Variants in PROM1 observed in about 807,000 individuals in gnomAD.
PROM1 encodes prominin-1.
PROM1 carries 105 observed loss-of-function variants against 116.9 expected under a neutral mutation model. The observed-to-expected ratio is 0.90, with a 90% CI of 0.77 to 1.06. PROM1 has a LOEUF of 1.06. Among genes scored for constraint, PROM1 ranks in the 50% least tolerant of loss-of-function variants. The probability of loss-of-function intolerance (pLI) is 0.00; values close to 1 mark genes in which losing one functional copy is unlikely to be tolerated. For synonymous variants in PROM1, 393 were observed against 387.0 expected (o/e 1.02, Z -0.18); for missense variants, 1,122 against 1,045.2 (o/e 1.07, Z -1.01).
intron 1 of PROM1, among the ~76,000 whole-genome samples, chr4:16,077,269 G>A (rs906268047): frequency 6.6e-6 from 1 of 152,236 alleles, no homozygotes; most frequent in Admixed American, 6.5e-5. Context: ...GGACATGCGG[G>A]CAACAATGCT....
intron 2 of PROM1, among the ~76,000 whole-genome samples, chr4:16,050,709 G>C (rs1333361925): frequency 1.3e-5 from 2 of 152,164 alleles, no homozygotes; most frequent in Non-Finnish European, 2.9e-5. Flanking sequence ...AACCAAACTA[G>C]TACCTATTCA....
chr4:15,998,339 AAAAG>A, intron 15 of PROM1, 42 bp downstream of exon 15: 1 of 1,497,196 alleles, frequency 6.7e-7, no homozygotes, highest in South Asian at 1.4e-5. Flanking sequence ...TCATTCCAGA[AAAAG>A]AACATCTTAA....
At chr4:16,066,053 G>A (rs1471684106) in intron 2 of PROM1, among the ~76,000 whole-genome samples, 2 of 152,110 alleles carry the variant, frequency 1.3e-5, no homozygotes, top group African/African-American at 2.4e-5. Flanking sequence ...AGCTAGAAGA[G>A]GCAAGGAAGA....
In PROM1 at chr4:15,969,078, G is replaced by T. The variant is rs899739467; in HGVS notation, c.*315C>A. The T allele has an allele frequency of 1.3e-5, 2 of 152,096 alleles. No individual in the cohort carries two copies. The highest frequency in any genetic ancestry group is 4.8e-5 in the African/African-American group (2 of 41,400). 9.4% of individuals were successfully genotyped at this position (152,096 alleles called of 1,614,324 possible). A position where few individuals can be genotyped will look rare whatever the true frequency, so the allele number is the denominator to read the frequency against. ...GAGTTTTGATAGAAATGCATCCAAT[G>T]GGAACAAACACCCCATATGTTGTAG... is the stretch of plus-strand genomic sequence containing the variant. On this transcript the variant is annotated 3_prime_UTR_variant, in exon 28 of 28. Coordinates refer to ENST00000447510, the MANE Select transcript of PROM1 (RefSeq NM_006017.3).
At chr4:16,019,745 CAG>C (rs1729338839) in intron 8 of PROM1, among the ~76,000 whole-genome samples, 1 of 152,110 alleles carries the variant, frequency 6.6e-6, no homozygotes, top group Admixed American at 6.5e-5. Context: ...CTGTGGTTCA[CAG>C]AACAGATGGT....
At chr4:16,035,137 T>C (rs935757732) in intron 4 of PROM1, among the ~76,000 whole-genome samples, 1 of 152,202 alleles carries the variant, frequency 6.6e-6, no homozygotes, top group African/African-American at 2.4e-5. Flanking sequence ...CCATCCCATG[T>C]CCACGAAGAG....
At position 15,986,120 on chromosome 4, in the gene PROM1, T is replaced by A. The variant is rs892136877; in HGVS notation, c.2131-83A>T. On this transcript the variant is annotated intron_variant, in intron 20 of 27. Coordinates refer to ENST00000447510, the MANE Select transcript of PROM1 (RefSeq NM_006017.3). The stretch of plus-strand genomic sequence containing the variant: ...AATTTGCATATTGATTCAAGTACTG[T>A]AACTCAGCTCTGCAACACCACGACC... The A allele has an allele frequency of 9.9e-6, 10 of 1,013,004 alleles. 1 individual carries two copies. Among genetic ancestry groups the A allele is most frequent in the Non-Finnish European group, 1.3e-5 (9 of 674,004 alleles). The allele number at this position is 1,013,004 out of a possible 1,614,324, so 62.8% of individuals were successfully genotyped here.
chr4:15,994,490 T>C (rs1038203822), intron 15 of PROM1, among the ~76,000 whole-genome samples: 4 of 152,206 alleles, frequency 2.6e-5, no homozygotes, highest in African/African-American at 9.6e-5. Flanking sequence ...ATTTCTCCTC[T>C]GTATTTCCAG....
chr4:15,993,750 G>T (rs1721632386), intron 16 of PROM1, among the ~76,000 whole-genome samples: 1 of 152,188 alleles, frequency 6.6e-6, no homozygotes, highest in Non-Finnish European at 1.5e-5. Flanking sequence ...AGAGGCTCTT[G>T]CATAATCCAC....
In PROM1 at chr4:16,075,892, G is replaced by A. The variant is rs10033189; in HGVS notation, c.15C>T (p.Leu5=). The A allele has an allele frequency of 0.027, 43,643 of 1,611,088 alleles. 1,272 individuals carry two copies. The highest frequency in any genetic ancestry group is 0.15 in the African/African-American group (11,071 of 74,916). The change falls in exon 2 of 28, where the codon CTC becomes CTT. Residue 5 remains leucine (L), a synonymous_variant. Coordinates refer to ENST00000447510, the MANE Select transcript of PROM1 (RefSeq NM_006017.3). ...ACAGCCCCAGCAGCAACAGGGAGCC[G>A]AGTACGAGGGCCATAGCTAGCAAGA... MALV[L]GSLLLLGLCG...
intron 13 of PROM1, among the ~76,000 whole-genome samples, chr4:16,003,882 C>T (rs977760911): frequency 8.5e-5 from 13 of 152,208 alleles, no homozygotes; most frequent in Non-Finnish European, 1.8e-4. Flanking sequence ...CCAGATCTTT[C>T]ACTGGTATCC....
chr4:16,037,271 A>G lies in PROM1; in HGVS notation c.277-1510T>C, dbSNP rs192716413. The stretch of plus-strand genomic sequence containing the variant: ...CTGTCATTTTCTTCCCCCCAGAGAT[A>G]CAGGCCGACGTGACAATCACATTGG... On this transcript the variant is annotated intron_variant, in intron 3 of 27. Transcript: ENST00000447510. 5.3e-4 allele frequency among the ~76,000 whole-genome samples: 80 copies of G among 152,304 alleles called. 2 individuals are homozygous for G. The highest frequency in any genetic ancestry group is 1.8e-3 in the African/African-American group (76 of 41,562).
chr4:15,986,421 T>C (rs1413251681), intron 20 of PROM1, among the ~76,000 whole-genome samples: 1 of 152,056 alleles, frequency 6.6e-6, no homozygotes, highest in African/African-American at 2.4e-5. Flanking sequence ...TTTTTTTTTT[T>C]CACTACAAAA....
intron 13 of PROM1, among the ~76,000 whole-genome samples, chr4:16,004,382 T>C (rs1034202886): frequency 6.6e-6 from 1 of 152,230 alleles, no homozygotes; most frequent in Non-Finnish European, 1.5e-5. Context: ...CATCAATTTG[T>C]TGATGATTTC....
At chr4:15,979,366 C>A (rs142467914) in intron 26 of PROM1, 29 bp downstream of exon 26, 14 of 1,613,262 alleles carry the variant, frequency 8.7e-6, no homozygotes, top group Admixed American at 1.7e-5. Context: ...TATCATAGGG[C>A]GGGCATGCAC....
intron 5 of PROM1, among the ~76,000 whole-genome samples, chr4:16,026,309 G>C (rs923445360): frequency 6.6e-6 from 1 of 151,956 alleles, no homozygotes; most frequent in Non-Finnish European, 1.5e-5. Flanking sequence ...GGCAAAAAAC[G>C]TTCCATTAGA....
chr4:16,009,187 GC>G (rs1726264925), intron 11 of PROM1, 79 bp from the exon 12 acceptor site: 1 of 1,261,480 alleles, frequency 7.9e-7, no homozygotes, highest in Non-Finnish European at 1.1e-6. Flanking sequence ...AAACAGAAAA[GC>G]CTGAACCACC....
intron 2 of PROM1, among the ~76,000 whole-genome samples, chr4:16,073,987 G>A (rs1193029563): frequency 6.6e-6 from 1 of 152,180 alleles, no homozygotes; most frequent in Non-Finnish European, 1.5e-5. Context: ...ATATGCCTTA[G>A]AATGAGACAC....
chr4:16,000,820 G>A (rs1295489974), intron 13 of PROM1, among the ~76,000 whole-genome samples: 5 of 150,840 alleles, frequency 3.3e-5, no homozygotes, highest in Middle Eastern at 3.2e-3. Context: ...GGGTACACTG[G>A]ATGGGGGCCT....
Sources: allele counts gnomAD v4.1 joint callset (sites outside exome capture counted in the v4.1 genomes callset), GRCh38; gene constraint gnomAD v4.1.1; transcripts MANE v1.5; gene names NCBI Gene and HGNC (gene_info 2026-07-23, HGNC 2026-07-21).